The following ZNF195 variants were observed in gnomAD, a reference collection of about 807,000 sequenced individuals.
ZNF195 encodes zinc finger protein 195, also known as hypoxia-regulated factor-1.
A neutral mutation model predicts 19.5 loss-of-function variants in ZNF195; 11 were observed. The ratio of observed to expected loss-of-function variants is 0.57; its 90% CI spans 0.36 to 0.94. ZNF195 has a LOEUF of 0.94. ZNF195 is among the 40% of genes least tolerant of loss of function. The probability of loss-of-function intolerance (pLI) is 0.01; values close to 1 mark genes in which losing one functional copy is unlikely to be tolerated. For missense variants in ZNF195, 582 were observed against 709.0 expected (o/e 0.82, Z 2.03); for synonymous variants, 214 against 248.1 (o/e 0.86, Z 1.29).
At chr11:3,362,145 A>T in intron 3 of ZNF195, 1 of 308,674 alleles carries the variant, frequency 3.2e-6, no homozygotes, top group South Asian at 2.6e-5. Context: ...GAATAATATA[A>T]CCAGTGTCCT....
At chr11:3,376,347 A>G (rs573212071) in intron 1 of ZNF195, among the ~76,000 whole-genome samples, 15 of 152,250 alleles carry the variant, frequency 9.9e-5, no homozygotes, top group Admixed American at 9.1e-4. Context: ...AAAAAAAAAA[A>G]TCACAAAAAA....
chr11:3,377,568 A>T, intron 1 of ZNF195: 2 of 1,095,246 alleles, frequency 1.8e-6, no homozygotes, highest in South Asian at 2.3e-5. Flanking sequence ...GTCTCCAGGG[A>T]TTGAAAGTTG....
Position 3,359,311 on chromosome 11 carries a change from G to C in ZNF195, c.1697C>G (p.Thr566Ser), listed in dbSNP as rs1234115336. The change falls in exon 6 of 6, where the codon ACC (threonine) becomes AGC (serine). Residue 566 changes from threonine (T) to serine (S), a missense_variant. Thr to Ser is a moderately conservative substitution (Grantham distance 58). Transcript: ENST00000399602. This position sits in a 1 kb window ranked among gnomAD's most constrained non-coding sequence, Gnocchi z 5.5. ...TCCAGTATGGGTTTTCTTATGTTTG[G>C]TAATGTCTGAGAACCACATGAAGAC... ...GRVFMWFSDITKHKKTHTGEK... is the reference protein window; with the variant it reads ...GRVFMWFSDISKHKKTHTGEK... The C allele has an allele frequency of 3.1e-6, 5 of 1,613,510 alleles. No homozygotes were observed. The highest frequency in any genetic ancestry group is 1.3e-5 in the African/African-American group (1 of 74,872).
intron 2 of ZNF195, 26 bp downstream of exon 2, chr11:3,371,551 G>T (rs1310714172): frequency 6.2e-7 from 1 of 1,613,730 alleles, no homozygotes; most frequent in East Asian, 2.2e-5. Context: ...GGCATAGGAG[G>T]AACTACGTAT....
At position 3,375,227 on chromosome 11, in the gene ZNF195, C is replaced by CAG. The variant is rs1184967650; in HGVS notation, c.4-3525_4-3524insCT. Among the ~76,000 whole-genome samples the CAG allele has an allele frequency of 1.4e-4, 21 of 152,164 alleles. 1 individual carries two copies. Among genetic ancestry groups the CAG allele is most frequent in the Admixed American group, 1.4e-3 (21 of 15,286 alleles). On this transcript the variant is annotated intron_variant, in intron 1 of 5. Coordinates refer to ENST00000399602, the MANE Select transcript of ZNF195 (RefSeq NM_001130520.3). ...ACGCAGGATTCTGCTCTCTATGCTA[C>CAG]TAGAGTATTTACAATTCTGTTTTTC...
intron 1 of ZNF195, 38 bp from the exon 2 acceptor site, chr11:3,371,741 C>T (rs745642506): frequency 1.3e-6 from 2 of 1,564,288 alleles, no homozygotes; most frequent in Non-Finnish European, 8.7e-7. Flanking sequence ...ATACTTGATT[C>T]GAGGTGAAAT....
In ZNF195 at chr11:3,359,892, T is replaced by C. The variant is rs1486416393; in HGVS notation, c.1116A>G (p.Gln372=). ...GCTTCTCTCCAGCAAGAATCATCTG[T>C]TGATTAGAAAGGCTTGAGCAAGAGA... ...VFISCSSLSN[Q]QMILAGEKLS... Residue 372 remains glutamine, a synonymous_variant, in exon 6 of 6, where the codon CAA becomes CAG. Coordinates refer to ENST00000399602, the MANE Select transcript of ZNF195 (RefSeq NM_001130520.3). This position sits in a 1 kb window ranked among gnomAD's most constrained non-coding sequence, Gnocchi z 5.5. 1.9e-6 allele frequency: 3 copies of C among 1,613,860 alleles called. No individual in the cohort carries two copies. Among genetic ancestry groups the C allele is most frequent in the African/African-American group, 1.3e-5 (1 of 74,840 alleles).
Position 3,371,065 on chromosome 11 carries a change from T to C in ZNF195, c.136A>G (p.Thr46Ala). Reference sequence around the variant, plus strand: ...GTGATCAGGCCTGGCTTACAGACAGTGAGACCTGTTTTATTAGAAAAAAGT... The same window carrying C: ...GTGATCAGGCCTGGCTTACAGACAGCGAGACCTGTTTTATTAGAAAAAAGT... ...NYRNLFSVGL[T>A]VCKPGLITCL... The change falls in exon 3 of 6, where the codon ACT becomes GCT. Residue 46 changes from threonine (T) to alanine (A), a missense_variant. Coordinates refer to ENST00000399602, the MANE Select transcript of ZNF195 (RefSeq NM_001130520.3). The C allele has an allele frequency of 6.2e-7, 1 of 1,613,166 alleles. No homozygotes were observed. The highest frequency in any genetic ancestry group is 8.5e-7 in the Non-Finnish European group (1 of 1,179,240).
intron 1 of ZNF195, among the ~76,000 whole-genome samples, chr11:3,377,431 C>T (rs963324924): frequency 1.3e-5 from 2 of 152,200 alleles, no homozygotes; most frequent in African/African-American, 2.4e-5. Flanking sequence ...CACCATCTCA[C>T]GGGGTGGAGT....
At chr11:3,371,253 C>T (rs923227859) in intron 2 of ZNF195, 183 bp from the exon 3 acceptor site, 19 of 659,306 alleles carry the variant, frequency 2.9e-5, no homozygotes, top group Middle Eastern at 7.7e-4. Context: ...TTAGTTTCAC[C>T]ACTCAGTACT....
chr11:3,367,034 C>T, intron 3 of ZNF195: 1 of 414,148 alleles, frequency 2.4e-6, no homozygotes, highest in East Asian at 8.1e-5. Flanking sequence ...CACTGCACTA[C>T]AGCCTGGGTG....
intron 1 of ZNF195, among the ~76,000 whole-genome samples, chr11:3,377,354 AC>A (rs1028688141): frequency 1.3e-5 from 2 of 151,870 alleles, no homozygotes; most frequent in Admixed American, 1.3e-4. Context: ...CTCACCGGCC[AC>A]CCCCGATGAT....
rs1848557844 is a variant in ZNF195, at chr11:3,360,144, A to G, written c.864T>C (p.Thr288=). The G allele has an allele frequency of 1.2e-6, 2 of 1,613,952 alleles. No homozygotes were observed. The highest frequency in any genetic ancestry group is 2.2e-5 in the South Asian group (2 of 91,080). ...CTCCAGTGTCAATGTTCTCAGGTTC[A>G]GTAAAGTGTGAGCACTGGATAAAGG... is the stretch of plus-strand genomic sequence containing the variant. ...GKTFIQCSHF[T]EPENIDTGEK... is the part of the protein sequence containing the mutation. Residue 288 remains threonine, a synonymous_variant, in exon 6 of 6, where the codon ACT becomes ACC. Coordinates refer to ENST00000399602, the MANE Select transcript of ZNF195 (RefSeq NM_001130520.3).
At chr11:3,362,423 T>C in intron 3 of ZNF195, 1 of 345,822 alleles carries the variant, frequency 2.9e-6, no homozygotes. Flanking sequence ...TAATCATAAA[T>C]AACTGTTAAT....
intron 3 of ZNF195, chr11:3,368,753 C>T (rs1340094789): frequency 4.5e-6 from 2 of 445,776 alleles, no homozygotes; most frequent in Admixed American, 4.8e-5. Context: ...TGGGACAGAA[C>T]AGAGAGCCCA....
At chr11:3,378,069 G>A (rs374476975) in intron 1 of ZNF195, among the ~76,000 whole-genome samples, 1 of 152,154 alleles carries the variant, frequency 6.6e-6, no homozygotes. Flanking sequence ...CAGCACTTTG[G>A]GAGGCCAAGG....
chr11:3,360,600 G>C, intron 5 of ZNF195, 35 bp from the exon 6 acceptor site: 1 of 1,548,784 alleles, frequency 6.5e-7, no homozygotes, highest in Non-Finnish European at 8.7e-7. Context: ...CGACTTACTA[G>C]ACACAGATGA....
intron 1 of ZNF195, 114 bp from the exon 2 acceptor site, chr11:3,371,817 T>C (rs895614377): frequency 1.4e-5 from 18 of 1,252,008 alleles, no homozygotes; most frequent in Non-Finnish European, 2.0e-5. Flanking sequence ...AGGTAATTCT[T>C]AGCAGAAGAA....
intron 4 of ZNF195, 131 bp downstream of exon 4, chr11:3,361,612 G>T: frequency 2.3e-6 from 1 of 441,016 alleles, no homozygotes. Flanking sequence ...AAATCAAGAA[G>T]CTCAACACAT....
Sources: allele counts gnomAD v4.1 joint callset (sites outside exome capture counted in the v4.1 genomes callset), GRCh38; gene constraint gnomAD v4.1.1; non-coding constraint Gnocchi (gnomAD v3.1); transcripts MANE v1.5; gene names NCBI Gene and HGNC (gene_info 2026-07-23, HGNC 2026-07-21).